TAPT1: variants seen among roughly 807,000 people sequenced by gnomAD.
TAPT1 encodes the protein transmembrane anterior posterior transformation 1.
A neutral mutation model predicts 65.6 loss-of-function variants in TAPT1; 28 were observed. The ratio of observed to expected loss-of-function variants is 0.43; its 90% CI spans 0.32 to 0.59. TAPT1 has a LOEUF of 0.59. Among genes scored for constraint, TAPT1 ranks in the 20% least tolerant of loss-of-function variants. TAPT1 has a pLI of 0.09. For missense variants in TAPT1, 563 were observed against 679.9 expected (o/e 0.83, Z 1.91); for synonymous variants, 278 against 245.2 (o/e 1.13, Z -1.25).
chr4:16,176,267 T>C (rs1468936472), intron 8 of TAPT1, 39 bp from the exon 9 acceptor site: 1 of 1,065,260 alleles, frequency 9.4e-7, no homozygotes. Flanking sequence ...AATATCTTAA[T>C]ATGAACAGAA....
At chr4:16,226,468 CAACA>C (rs1299680835) in exon 1 of TAPT1, 1 of 1,057,980 alleles carries the variant, frequency 9.5e-7, no homozygotes, top group Non-Finnish European at 1.1e-6. Context: ...GTTCCGAGCA[CAACA>C]AACTGTCCCC....
chr4:16,173,243 A>G lies in TAPT1; in HGVS notation c.1236+961T>C, dbSNP rs533367621. On this transcript the variant is annotated intron_variant, in intron 11 of 13. Coordinates refer to ENST00000405303, the MANE Select transcript of TAPT1 (RefSeq NM_153365.3). ...CCTGAGTAGCTAGGACTACAGGTGC[A>G]TGCCACTAAGCCAGGCTAAACAAAT... is the stretch of plus-strand genomic sequence containing the variant. Among the ~76,000 whole-genome samples the G allele has an allele frequency of 9.2e-5, 14 of 151,950 alleles. No homozygotes were observed. The South Asian group carries it at 2.9e-3, about 32-fold the overall frequency.
rs188599545 is a variant in TAPT1 at position 16,164,711 on chromosome 4, G to C, written c.1475-1174C>G. On this transcript the variant is annotated intron_variant, in intron 13 of 13. Coordinates refer to ENST00000405303, the MANE Select transcript of TAPT1 (RefSeq NM_153365.3). ...CTCCCAAAGTGCTGGGATTATTAAA[G>C]GCATGTGCCACTATGCCTAGCCTAA... Among the ~76,000 whole-genome samples, 349 of 152,242 alleles carry C rather than the reference G, an allele frequency of 2.3e-3. 1 individual carries two copies. The highest frequency in any genetic ancestry group is 0.012 in the South Asian group (60 of 4,818).
chr4:16,225,801 A>T, intron 1 of TAPT1: 1 of 833,176 alleles, frequency 1.2e-6, no homozygotes, highest in Non-Finnish European at 1.4e-6. Context: ...GTCTGTGAAA[A>T]ATCTACTTGC....
At chr4:16,163,674 G>A (rs936312700) in intron 13 of TAPT1, 137 bp from the exon 14 acceptor site, 3 of 655,752 alleles carry the variant, frequency 4.6e-6, no homozygotes, top group East Asian at 2.7e-5. Flanking sequence ...TAACCAAATA[G>A]CATGTTGTAT....
upstream of TAPT1, chr4:16,227,246 T>C (rs1751644668): frequency 2.2e-6 from 1 of 455,374 alleles, no homozygotes; most frequent in Non-Finnish European, 4.4e-6. Context: ...GCCGGCGGAC[T>C]TTCCACACTG....
chr4:16,206,811 G>A (rs1309729783), intron 2 of TAPT1, among the ~76,000 whole-genome samples: 1 of 152,184 alleles, frequency 6.6e-6, no homozygotes, highest in Admixed American at 6.5e-5. Context: ...GCCCCATGGT[G>A]CCAAGTTCAA....
At chr4:16,191,154 G>T (rs891809540) in intron 4 of TAPT1, 12 of 482,768 alleles carry the variant, frequency 2.5e-5, no homozygotes, top group African/African-American at 1.9e-4. Flanking sequence ...CACCGCCCTG[G>T]AAATGCAGAT....
chr4:16,171,406 T>C (rs1029501222), intron 11 of TAPT1, among the ~76,000 whole-genome samples: 6 of 152,200 alleles, frequency 3.9e-5, no homozygotes, highest in African/African-American at 1.4e-4. Flanking sequence ...GCTGAATAAA[T>C]CTGGTGGAAT....
intron 13 of TAPT1, among the ~76,000 whole-genome samples, chr4:16,165,823 C>A (rs886843987): frequency 7.2e-5 from 11 of 152,186 alleles, no homozygotes; most frequent in African/African-American, 2.4e-4. Context: ...CCTGCTCACA[C>A]CACCTACCCT....
upstream of TAPT1, chr4:16,226,551 C>A: frequency 2.5e-6 from 2 of 802,500 alleles, no homozygotes; most frequent in Non-Finnish European, 3.0e-6. Flanking sequence ...CGCCGGAGCC[C>A]GAGCCGCCGC....
At chr4:16,222,672 C>T (rs1751320396) in intron 1 of TAPT1, among the ~76,000 whole-genome samples, 1 of 152,222 alleles carries the variant, frequency 6.6e-6, no homozygotes, top group Admixed American at 6.5e-5. Flanking sequence ...CTTCGTCCCA[C>T]TCGAAATCTT....
chr4:16,225,231 T>C (rs1465236063), intron 1 of TAPT1, among the ~76,000 whole-genome samples: 2 of 152,234 alleles, frequency 1.3e-5, no homozygotes, highest in African/African-American at 4.8e-5. Context: ...AGCAAATCAA[T>C]TAGAATCGCA....
chr4:16,199,995 A>T (rs1560176082), intron 3 of TAPT1, among the ~76,000 whole-genome samples: 1 of 152,212 alleles, frequency 6.6e-6, no homozygotes, highest in Non-Finnish European at 1.5e-5. Flanking sequence ...CCTGTACAAT[A>T]TAACAAGGTG....
At chr4:16,179,199 C>G (rs1578424940) in intron 8 of TAPT1, 4 of 160,362 alleles carry the variant, frequency 2.5e-5, no homozygotes, top group Non-Finnish European at 5.4e-5. Flanking sequence ...TATAACCACA[C>G]ACCCAGACTA....
chr4:16,163,636 T>C (rs1747395110), intron 13 of TAPT1, 99 bp from the exon 14 acceptor site: 5 of 877,668 alleles, frequency 5.7e-6, no homozygotes, highest in Non-Finnish European at 8.8e-6. Context: ...AAGTGCCCAT[T>C]ATCCATGCTT....
rs1430848035 is a variant in TAPT1 at position 16,161,922 on chromosome 4, G to T, written c.*1386C>A. On this transcript the variant is annotated 3_prime_UTR_variant, in exon 14 of 14. Coordinates refer to ENST00000405303, the MANE Select transcript of TAPT1 (RefSeq NM_153365.3). ...AATCAAAACATCAAAGGAAATAACA[G>T]TTAACAGTACCATCTTCTGGACAGT... 1 of 152,144 alleles carries T rather than the reference G, an allele frequency of 6.6e-6. No individual in the cohort carries two copies. The highest frequency in any genetic ancestry group is 1.9e-4 in the East Asian group (1 of 5,204). 9.4% of individuals were successfully genotyped at this position (152,144 alleles called of 1,614,324 possible).
intron 2 of TAPT1, among the ~76,000 whole-genome samples, chr4:16,211,881 C>T (rs1018062775): frequency 6.6e-6 from 1 of 152,172 alleles, no homozygotes; most frequent in East Asian, 1.9e-4. Context: ...TTAGTCTCAT[C>T]AAGACATAAG....
intron 7 of TAPT1, among the ~76,000 whole-genome samples, chr4:16,179,861 G>C (rs1748608954): frequency 6.6e-6 from 1 of 151,668 alleles, no homozygotes; most frequent in South Asian, 2.1e-4. Flanking sequence ...GTAAGCCATT[G>C]ACTTCTTTTG....
Sources: allele counts gnomAD v4.1 joint callset (sites outside exome capture counted in the v4.1 genomes callset), GRCh38; gene constraint gnomAD v4.1.1; transcripts MANE v1.5; gene names NCBI Gene and HGNC (gene_info 2026-07-23, HGNC 2026-07-21).